Variants in TENM2 observed in about 807,000 individuals in gnomAD.
The protein encoded by TENM2 is teneurin transmembrane protein 2.
A neutral mutation model predicts 245.2 loss-of-function variants in TENM2; 52 were observed. That is an observed-to-expected ratio of 0.21 (90% CI 0.17 to 0.27). TENM2 has a LOEUF of 0.27. Ranked by LOEUF, TENM2 falls within the 10% of genes least tolerant of loss-of-function variation. TENM2 has a pLI of 1.00. For missense variants in TENM2, 3,046 were observed against 3,666.8 expected (o/e 0.83, Z 4.37); for synonymous variants, 1,363 against 1,438.9 (o/e 0.95, Z 1.19).
At chr5:167,298,170 G>A (rs1204647078) in intron 1 of TENM2, among the ~76,000 whole-genome samples, 3 of 152,192 alleles carry the variant, frequency 2.0e-5, no homozygotes, top group South Asian at 4.1e-4. Context: ...CGGGATTGGG[G>A]CGGCGTGGGA....
intron 4 of TENM2, among the ~76,000 whole-genome samples, chr5:167,964,555 G>C (rs985142752): frequency 6.6e-6 from 1 of 152,176 alleles, no homozygotes; most frequent in Admixed American, 6.5e-5. Flanking sequence ...CAAAACCTCT[G>C]TCCTTATGGA....
chr5:168,098,521 C>A (rs1035218907), intron 9 of TENM2, among the ~76,000 whole-genome samples: 2 of 152,016 alleles, frequency 1.3e-5, no homozygotes, highest in South Asian at 2.1e-4. Context: ...CACTCTTAAT[C>A]TAGGAAGCGC....
At chr5:167,255,407 TA>T in the TENM2 span, among the ~76,000 whole-genome samples, 1 of 152,150 alleles carries the variant, frequency 6.6e-6, no homozygotes, top group African/African-American at 2.4e-5. Context: ...GGGTGATTGC[TA>T]AAAGCCCATG....
intron 1 of TENM2, among the ~76,000 whole-genome samples, chr5:167,372,150 A>G (rs1393410161): frequency 6.6e-6 from 1 of 152,084 alleles, no homozygotes; most frequent in Admixed American, 6.5e-5. Flanking sequence ...ATGTAAACAT[A>G]CTCATTTAGC....
intron 20 of TENM2, among the ~76,000 whole-genome samples, chr5:168,212,304 G>A (rs1762854515): frequency 6.6e-6 from 1 of 152,144 alleles, no homozygotes; most frequent in Non-Finnish European, 1.5e-5. Flanking sequence ...TGGAGACCAA[G>A]TATTCTTTGT....
chr5:168,083,103 G>C, intron 7 of TENM2, among the ~76,000 whole-genome samples: 1 of 152,198 alleles, frequency 6.6e-6, no homozygotes, highest in Non-Finnish European at 1.5e-5. Context: ...GCTCCACCCA[G>C]TTCGAGCTTC....
rs540812307 is a variant in TENM2, at chr5:167,917,249, C to A, written c.713-35339C>A. On this transcript the variant is annotated intron_variant, in intron 3 of 28. Transcript: ENST00000518659. The stretch of plus-strand genomic sequence containing the variant: ...GATGCCTGTGGATTCCAGAGTGATT[C>A]GCAAATCCCAGTTCTAGCCCAAGAG... 3.9e-5 allele frequency among the ~76,000 whole-genome samples: 6 copies of A among 152,142 alleles called. No individual in the cohort carries two copies. The South Asian group carries it at 1.0e-3, about 26-fold the overall frequency.
chr5:167,878,275 G>A (rs961687845), intron 3 of TENM2, among the ~76,000 whole-genome samples: 6 of 152,084 alleles, frequency 3.9e-5, no homozygotes, highest in Admixed American at 6.6e-5. Flanking sequence ...TCCATTTTTC[G>A]TCACTCACAC....
chr5:168,061,552 C>G (rs1790039487), intron 6 of TENM2, among the ~76,000 whole-genome samples: 1 of 152,158 alleles, frequency 6.6e-6, no homozygotes, highest in Admixed American at 6.5e-5. Context: ...AGACTTCTCC[C>G]TCTAACTCAA....
At chr5:167,039,631 G>A in the TENM2 span, among the ~76,000 whole-genome samples, 1 of 151,930 alleles carries the variant, frequency 6.6e-6, no homozygotes, top group Non-Finnish European at 1.5e-5. Flanking sequence ...AAATGTTGCA[G>A]TGACATCAGA....
intron 2 of TENM2, among the ~76,000 whole-genome samples, chr5:167,387,061 G>A (rs1183645271): frequency 2.6e-5 from 4 of 152,108 alleles, no homozygotes; most frequent in Admixed American, 1.3e-4. Flanking sequence ...GTGATATTTT[G>A]ATGGGAATTG....
chr5:167,318,766 A>G (rs1179521183), intron 1 of TENM2, among the ~76,000 whole-genome samples: 1 of 152,204 alleles, frequency 6.6e-6, no homozygotes, highest in African/African-American at 2.4e-5. Flanking sequence ...GCCATTTGCA[A>G]TATCTCATGC....
intron 2 of TENM2, among the ~76,000 whole-genome samples, chr5:167,726,931 A>G (rs1760050390): frequency 1.3e-5 from 2 of 152,078 alleles, no homozygotes; most frequent in Admixed American, 1.3e-4. Flanking sequence ...ATTGTTAGTA[A>G]TTAATTGAAA....
At chr5:167,237,551 ATT>A in the TENM2 span, among the ~76,000 whole-genome samples, 1 of 152,212 alleles carries the variant, frequency 6.6e-6, no homozygotes, top group Non-Finnish European at 1.5e-5. Flanking sequence ...TTTAATGAAC[ATT>A]TAAAAGAATG....
chr5:167,129,340 T>C, the TENM2 span, among the ~76,000 whole-genome samples: 2 of 152,316 alleles, frequency 1.3e-5, no homozygotes, highest in African/African-American at 4.8e-5. Flanking sequence ...CCCAGAATCC[T>C]AATTCCCAGC....
the TENM2 span, among the ~76,000 whole-genome samples, chr5:167,036,468 T>C: frequency 6.6e-6 from 1 of 152,256 alleles, no homozygotes; most frequent in East Asian, 1.9e-4. Context: ...TTGGCTTTTC[T>C]ACTTTGTCAC....
At chr5:168,162,893 T>A (rs1757877710) in intron 13 of TENM2, 136 bp downstream of exon 15, 1 of 1,105,134 alleles carries the variant, frequency 9.0e-7, no homozygotes, top group Non-Finnish European at 1.3e-6. Flanking sequence ...TTGAAGCAAA[T>A]GCAGCAGAGA....
At chr5:168,176,236 C>T (rs1170893027) in intron 13 of TENM2, among the ~76,000 whole-genome samples, 1 of 152,208 alleles carries the variant, frequency 6.6e-6, no homozygotes, top group South Asian at 2.1e-4. Context: ...TCAAGCCTTG[C>T]CAGGGCCTCT....
intron 2 of TENM2, among the ~76,000 whole-genome samples, chr5:167,777,762 A>G (rs564342404): frequency 6.6e-6 from 1 of 152,282 alleles, no homozygotes; most frequent in African/African-American, 2.4e-5. Context: ...TATTTTTCTT[A>G]TGTCAGAAAA....
Sources: gnomAD v4.1 joint callset for allele counts (sites outside exome capture counted in the v4.1 genomes callset) on GRCh38, gnomAD v4.1.1 for gene constraint, MANE v1.5 for transcripts, NCBI Gene and HGNC (gene_info 2026-07-23, HGNC 2026-07-21) for gene names.